Variants in TP53AIP1 observed in about 807,000 individuals in gnomAD.
The protein encoded by TP53AIP1 is tumor protein p53 regulated apoptosis inducing protein 1.
Under a neutral mutation model 9.5 loss-of-function variants are expected in TP53AIP1, and 14 were observed. That is an observed-to-expected ratio of 1.47 (90% confidence interval 0.97 to 2.30). TP53AIP1 has a LOEUF of 2.30. Among genes scored for constraint, TP53AIP1 ranks in the 30% most tolerant of loss-of-function variants. The pLI, the probability that TP53AIP1 is intolerant of heterozygous loss-of-function variation, is 0.00. For missense variants in TP53AIP1, 153 were observed against 146.7 expected, an observed-to-expected ratio of 1.04 and a Z score of -0.22; for synonymous variants, 73 against 61.2, an observed-to-expected ratio of 1.19 and a Z score of -0.90.
intron 1 of TP53AIP1, among the ~76,000 whole-genome samples, chr11:128,941,472 T>C (rs1591468177): frequency 2.0e-5 from 3 of 152,298 alleles, no homozygotes; most frequent in Non-Finnish European, 4.4e-5. Context: ...TGTGTGCAGT[T>C]ATAATGGGTT....
At chr11:128,936,473 G>GA in intron 3 of TP53AIP1, 65 bp downstream of exon 3, 1 of 1,477,016 alleles carries the variant, frequency 6.8e-7, no homozygotes, top group Middle Eastern at 1.7e-4. Flanking sequence ...TTATCGAGAG[G>GA]ACATCAAATC....
At chr11:128,936,839 G>T in intron 2 of TP53AIP1, 190 bp from the exon 3 acceptor site, 1 of 1,418,208 alleles carries the variant, frequency 7.1e-7, no homozygotes, top group South Asian at 1.5e-5. Context: ...GGCTCCTCAA[G>T]GTCAGTGGTG....
Position 128,937,076 on chromosome 11 carries a change from G to T in TP53AIP1, c.142-427C>A, listed in dbSNP as rs1047739962. ...CAGACTCCTGGCCCAGGCCTGGCCT[G>T]TGTCTGCTTCCGGAGCCATGCGCTG... On this transcript the variant is annotated intron_variant, in intron 2 of 3. Coordinates refer to ENST00000531399, the MANE Select transcript of TP53AIP1 (RefSeq NM_022112.3). The surrounding 1 kb of genome is among the most constrained non-coding windows in gnomAD (Gnocchi z 4.8). 7.7e-6 allele frequency: 8 copies of T among 1,044,190 alleles called. No individual in the cohort carries two copies. Among genetic ancestry groups the T allele is most frequent in the Non-Finnish European group, 9.2e-6 (8 of 867,470 alleles). 64.7% of individuals were successfully genotyped at this position (1,044,190 alleles called of 1,614,324 possible). A position where few individuals can be genotyped will look rare whatever the true frequency, so the allele number is the denominator to read the frequency against.
In TP53AIP1 at chr11:128,941,886, C is replaced by A. The variant is rs147761499; in HGVS notation, c.-77+908G>T. 1.5e-4 allele frequency among the ~76,000 whole-genome samples: 23 copies of A among 152,356 alleles called. No homozygotes were observed. The South Asian group carries it at 2.9e-3, about 19-fold the overall frequency. On this transcript the variant is annotated intron_variant, in intron 1 of 3. Transcript: ENST00000531399. ...GTGTGGCTGTGCTGCGGAAGCAGAT[C>A]TGGGTGGAGGAGGGCCCCACGCACA...
At chr11:128,936,241 C>A in intron 3 of TP53AIP1, 1 of 1,135,316 alleles carries the variant, frequency 8.8e-7, no homozygotes, top group Non-Finnish European at 1.1e-6. Context: ...CAAATCTGTC[C>A]TATTGTCCAG....
In TP53AIP1 at chr11:128,939,229, G is replaced by GT. The variant is rs1944895986; in HGVS notation, c.-76-1336_-76-1335insA. Among the ~76,000 whole-genome samples, 1 of 152,122 alleles carries GT rather than the reference G, an allele frequency of 6.6e-6. No homozygotes were observed. The highest frequency in any genetic ancestry group is 1.5e-5 in the Non-Finnish European group (1 of 68,028). Reference sequence around the variant, plus strand: ...GGCTCCCTTCCCCATCTGGTTCTGGGGAAGACACTCTGCACGCAGCCCCCA... The same window carrying GT: ...GGCTCCCTTCCCCATCTGGTTCTGGGTGAAGACACTCTGCACGCAGCCCCCA... On this transcript the variant is annotated intron_variant, in intron 1 of 3. Transcript: ENST00000531399. The surrounding 1 kb of genome is among the most constrained non-coding windows in gnomAD (Gnocchi z 4.1).
In TP53AIP1 at chr11:128,937,575, G is replaced by T. The variant is rs142517986; in HGVS notation, c.141+103C>A. The stretch of plus-strand genomic sequence containing the variant: ...GACCCAGATGCTGTCACTGGGTCCT[G>T]GTGAGTCTGAAAACTTGGGATGTCG... On this transcript the variant is annotated intron_variant, in intron 2 of 3. Transcript: ENST00000531399. This position sits in a 1 kb window ranked among gnomAD's most constrained non-coding sequence, Gnocchi z 4.8. The T allele has an allele frequency of 2.7e-4, 439 of 1,614,158 alleles. No homozygotes were observed. The highest frequency in any genetic ancestry group is 9.5e-4 in the Admixed American group (57 of 60,022).
At chr11:128,935,793 G>C in intron 3 of TP53AIP1, 81 bp from the exon 4 acceptor site, 2 of 1,399,704 alleles carry the variant, frequency 1.4e-6, no homozygotes, top group East Asian at 2.6e-5. Context: ...TTACAGACCA[G>C]GGATAAAAAC....
Position 128,939,191 on chromosome 11 carries a change from G to A in TP53AIP1, c.-76-1297C>T, listed in dbSNP as rs184694339. Reference sequence around the variant, plus strand: ...TACCAGGATTGAGCCCAAAGGTCACGTTCTTTCCCTGCGGCTCCCTTCCCC... The same window carrying A: ...TACCAGGATTGAGCCCAAAGGTCACATTCTTTCCCTGCGGCTCCCTTCCCC... On this transcript the variant is annotated intron_variant, in intron 1 of 3. Transcript: ENST00000531399. The surrounding 1 kb of genome is among the most constrained non-coding windows in gnomAD (Gnocchi z 4.1). Among the ~76,000 whole-genome samples the A allele has an allele frequency of 2.1e-4, 32 of 152,290 alleles. 2 individuals carry two copies. The highest frequency in any genetic ancestry group is 6.8e-3 in the Middle Eastern group (2 of 294).
In TP53AIP1 at chr11:128,937,292, A is replaced by C. The variant is rs188321617; in HGVS notation, c.141+386T>G. The C allele has an allele frequency of 6.5e-5, 88 of 1,352,226 alleles. No homozygotes were observed. Among genetic ancestry groups the C allele is most frequent in the Admixed American group, 4.0e-4 (12 of 29,820 alleles). 83.8% of individuals were successfully genotyped at this position (1,352,226 alleles called of 1,614,324 possible). A position where few individuals can be genotyped will look rare whatever the true frequency, so the allele number is the denominator to read the frequency against. ...CAGAAGAGCAGGCCCGGAGCCCTGC[A>C]CCCCAGCCTTCCCTCCCCATGCGCT... On this transcript the variant is annotated intron_variant, in intron 2 of 3. Coordinates refer to ENST00000531399, the MANE Select transcript of TP53AIP1 (RefSeq NM_022112.3). This position sits in a 1 kb window ranked among gnomAD's most constrained non-coding sequence, Gnocchi z 4.8.
chr11:128,934,958 T>C, downstream of TP53AIP1: 2 of 701,818 alleles, frequency 2.8e-6, no homozygotes, highest in Non-Finnish European at 5.2e-6. Flanking sequence ...TTTTCCCCCA[T>C]TGGTTAAGGG....
Position 128,938,422 on chromosome 11 carries a change from C to G in TP53AIP1, c.-76-528G>C, listed in dbSNP as rs567950237. Among the ~76,000 whole-genome samples, 188 of 152,264 alleles carry G rather than the reference C, an allele frequency of 1.2e-3. 3 individuals carry two copies. The highest frequency in any genetic ancestry group is 3.4e-3 in the Middle Eastern group (1 of 294). ...ACACAGAGCTGCCTTCTCTGTCCTG[C>G]TCTCTCTCCCACTCACCTGCTCAGA... On this transcript the variant is annotated intron_variant, in intron 1 of 3. Transcript: ENST00000531399.
At chr11:128,938,159 A>ATAT (rs1451208009) in intron 1 of TP53AIP1, among the ~76,000 whole-genome samples, 14 of 152,166 alleles carry the variant, frequency 9.2e-5, no homozygotes, top group Non-Finnish European at 1.5e-5. Flanking sequence ...CATTAATTAG[A>ATAT]TATTAACTAG....
chr11:128,941,719 G>T (rs989652290), intron 1 of TP53AIP1, among the ~76,000 whole-genome samples: 2 of 152,206 alleles, frequency 1.3e-5, no homozygotes, highest in Non-Finnish European at 2.9e-5. Flanking sequence ...CTGGCCTGCT[G>T]CTCCCTGAGG....
Position 128,937,482 on chromosome 11 carries a change from A to G in TP53AIP1, c.141+196T>C, listed in dbSNP as rs1300764742. 1 of 1,564,750 alleles carries G rather than the reference A, an allele frequency of 6.4e-7. No homozygotes were observed. The highest frequency in any genetic ancestry group is 8.7e-7 in the Non-Finnish European group (1 of 1,151,574). Reference sequence around the variant, plus strand: ...GCTGGCCTTCCTCTTGGGACTATTGATCAGGGCTGTCAGTTCCCAGCTCTG... The same window carrying G: ...GCTGGCCTTCCTCTTGGGACTATTGGTCAGGGCTGTCAGTTCCCAGCTCTG... On this transcript the variant is annotated intron_variant, in intron 2 of 3. Transcript: ENST00000531399. The surrounding 1 kb of genome is among the most constrained non-coding windows in gnomAD (Gnocchi z 4.8).
chr11:128,936,013 T>G (rs1368902524), intron 3 of TP53AIP1: 1 of 842,784 alleles, frequency 1.2e-6, no homozygotes, highest in Non-Finnish European at 1.5e-6. Context: ...GCATTTCATA[T>G]CTATCATTTT....
intron 1 of TP53AIP1, among the ~76,000 whole-genome samples, chr11:128,941,114 T>G (rs933622518): frequency 2.0e-5 from 3 of 152,186 alleles, no homozygotes; most frequent in African/African-American, 7.2e-5. Context: ...CATGTCCTTT[T>G]GGCCCAAGGG....
chr11:128,937,057 C>T lies in TP53AIP1; in HGVS notation c.142-408G>A. On this transcript the variant is annotated intron_variant, in intron 2 of 3. Transcript: ENST00000531399. This position sits in a 1 kb window ranked among gnomAD's most constrained non-coding sequence, Gnocchi z 4.8. Reference sequence around the variant, plus strand: ...AGGCGCTCCTGGCTCCTGGCAGACTCCTGGCCCAGGCCTGGCCTGTGTCTG... The same window carrying T: ...AGGCGCTCCTGGCTCCTGGCAGACTTCTGGCCCAGGCCTGGCCTGTGTCTG... 9.5e-7 allele frequency: 1 copy of T among 1,052,156 alleles called. No individual in the cohort carries two copies. Among genetic ancestry groups the T allele is most frequent in the Middle Eastern group, 4.6e-4 (1 of 2,178 alleles). The allele number at this position is 1,052,156 out of a possible 1,614,324, so 65.2% of individuals were successfully genotyped here. A position where few individuals can be genotyped will look rare whatever the true frequency, so the allele number is the denominator to read the frequency against.
chr11:128,936,746 T>C, intron 2 of TP53AIP1, 97 bp from the exon 3 acceptor site: 2 of 1,460,908 alleles, frequency 1.4e-6, no homozygotes, highest in African/African-American at 2.8e-5. Context: ...ATTCATGGCA[T>C]CCAGGGGCAT....
Sources: allele counts gnomAD v4.1 joint callset (sites outside exome capture counted in the v4.1 genomes callset), GRCh38; gene constraint gnomAD v4.1.1; non-coding constraint Gnocchi (gnomAD v3.1); transcripts MANE v1.5; gene names NCBI Gene and HGNC (gene_info 2026-07-23, HGNC 2026-07-21).